ANXA8: variants seen among roughly 807,000 people sequenced by gnomAD.
ANXA8 encodes the protein annexin A8.
ANXA8 carries 9 observed loss-of-function variants against 26.8 expected under a neutral mutation model. The observed-to-expected ratio is 0.34, with a 90% CI of 0.20 to 0.59. ANXA8 has a LOEUF of 0.59. ANXA8 is among the 20% of genes least tolerant of loss of function. The pLI, the probability that ANXA8 is intolerant of heterozygous loss-of-function variation, is 0.84. For synonymous variants in ANXA8, 39 were observed against 94.8 expected (o/e 0.41, Z 3.42); for missense variants, 83 against 238.5 (o/e 0.35, Z 4.29).
At chr10:47,493,717 G>A in the ANXA8 span, among the ~76,000 whole-genome samples, 1 of 150,804 alleles carries the variant, frequency 6.6e-6, no homozygotes, top group Admixed American at 6.6e-5. Context: ...CATGGCCTCT[G>A]GGGACAACTG....
At chr10:47,975,581 C>T in the ANXA8 span, among the ~76,000 whole-genome samples, 1 of 150,488 alleles carries the variant, frequency 6.6e-6, no homozygotes, top group African/African-American at 2.4e-5. Flanking sequence ...TCTGACAGAG[C>T]ATTTAGGTGA....
At chr10:47,515,758 T>G in the ANXA8 span, among the ~76,000 whole-genome samples, 2 of 139,354 alleles carry the variant, frequency 1.4e-5, 1 homozygote, top group African/African-American at 5.3e-5. Context: ...GGGAGATCCT[T>G]CTCAGAAGAA....
chr10:47,959,772 AT>A, the ANXA8 span, among the ~76,000 whole-genome samples: 1 of 150,136 alleles, frequency 6.7e-6, no homozygotes, highest in African/African-American at 2.5e-5. Context: ...TCTCTGTCCC[AT>A]CCCCTGGAAT....
At chr10:47,599,987 T>C in the ANXA8 span, among the ~76,000 whole-genome samples, 1 of 149,782 alleles carries the variant, frequency 6.7e-6, no homozygotes, top group Non-Finnish European at 1.5e-5. Context: ...ATAATTTGAA[T>C]GATTTTCTAA....
chr10:47,483,428 C>T (rs1237943631), intron 1 of ANXA8, among the ~76,000 whole-genome samples: 3 of 134,958 alleles, frequency 2.2e-5, no homozygotes, highest in East Asian at 2.7e-4. Flanking sequence ...CCATCTCCTC[C>T]GGTACCAGGA....
chr10:47,739,031 A>C, the ANXA8 span, among the ~76,000 whole-genome samples: 1 of 150,182 alleles, frequency 6.7e-6, no homozygotes, highest in Non-Finnish European at 1.5e-5. Context: ...TCTCCAGAGC[A>C]TGTCCAGCTA....
chr10:47,691,323 T>G, the ANXA8 span: 1 of 867,334 alleles, frequency 1.2e-6, no homozygotes, highest in Non-Finnish European at 1.7e-6. Flanking sequence ...GACTCTTTCT[T>G]TAGTCATTTG....
At chr10:47,605,765 G>C in the ANXA8 span, among the ~76,000 whole-genome samples, 1 of 149,830 alleles carries the variant, frequency 6.7e-6, no homozygotes, top group East Asian at 1.9e-4. Context: ...AGAAAAAGAA[G>C]GAGATAGATC....
chr10:47,973,296 T>C, the ANXA8 span: 4 of 146,736 alleles, frequency 2.7e-5, no homozygotes, highest in African/African-American at 9.9e-5. Flanking sequence ...GAGGACAGGA[T>C]GATCTGTGCC....
the ANXA8 span, among the ~76,000 whole-genome samples, chr10:47,560,025 G>A: frequency 6.6e-6 from 1 of 150,574 alleles, no homozygotes; most frequent in Non-Finnish European, 1.5e-5. Context: ...GAATTCCTGG[G>A]TTCCATCCAG....
the ANXA8 span, among the ~76,000 whole-genome samples, chr10:47,953,769 T>C: frequency 6.6e-6 from 1 of 150,670 alleles, no homozygotes; most frequent in Non-Finnish European, 1.5e-5. Context: ...GTCATACAAA[T>C]GACACATAGG....
the ANXA8 span, among the ~76,000 whole-genome samples, chr10:47,583,722 C>T: frequency 2.7e-5 from 4 of 147,020 alleles, no homozygotes; most frequent in African/African-American, 1.1e-4. Flanking sequence ...TCAGCTTAAC[C>T]CTGCTTTTCC....
At chr10:47,680,458 A>C in the ANXA8 span, among the ~76,000 whole-genome samples, 1 of 151,838 alleles carries the variant, frequency 6.6e-6, no homozygotes, top group Non-Finnish European at 1.5e-5. Context: ...AACATGGTGA[A>C]ACCCCATCTC....
chr10:47,946,410 G>A, the ANXA8 span, among the ~76,000 whole-genome samples: 4 of 150,722 alleles, frequency 2.7e-5, no homozygotes, highest in African/African-American at 9.8e-5. Flanking sequence ...ATCTCTGAGG[G>A]CAGAGATATG....
chr10:47,744,399 G>T, the ANXA8 span, among the ~76,000 whole-genome samples: 3 of 121,420 alleles, frequency 2.5e-5, no homozygotes, highest in Admixed American at 1.7e-4. Context: ...CACACGTGGG[G>T]AAGGCTCCTG....
At chr10:47,485,864 T>C (rs1840032551), upstream of ANXA8, among the ~76,000 whole-genome samples, 1 of 151,874 alleles carries the variant, frequency 6.6e-6, no homozygotes, top group African/African-American at 2.4e-5. Context: ...ATCCCAGCAC[T>C]TTGGGAGGCC....
the ANXA8 span, among the ~76,000 whole-genome samples, chr10:47,901,421 C>T: frequency 1.4e-5 from 1 of 72,124 alleles, no homozygotes; most frequent in Non-Finnish European, 2.8e-5. Context: ...AAAAATAAAA[C>T]CCTTTTGCAA....
At chr10:47,484,235 A>G (rs1488675641), upstream of ANXA8, 7 of 702,640 alleles carry the variant, frequency 1.0e-5, no homozygotes, top group Admixed American at 4.1e-5. Flanking sequence ...CGCATACTGG[A>G]AATTCTTAGC....
At chr10:47,503,308 T>A in the ANXA8 span, 1 of 1,592,784 alleles carries the variant, frequency 6.3e-7, no homozygotes, top group Non-Finnish European at 8.6e-7. Context: ...CCCGATGGTG[T>A]CAGCATGATT....
Sources: allele counts gnomAD v4.1 joint callset (sites outside exome capture counted in the v4.1 genomes callset), GRCh38; gene constraint gnomAD v4.1.1; transcripts MANE v1.5; gene names NCBI Gene and HGNC (gene_info 2026-07-23, HGNC 2026-07-21).